KIF3B: variants seen among roughly 807,000 people sequenced by gnomAD.
The protein encoded by KIF3B is kinesin family member 3B.
Under a neutral mutation model 74.3 loss-of-function variants are expected in KIF3B, and 38 were observed. That is an observed-to-expected ratio of 0.51 (90% CI 0.39 to 0.67). The LOEUF (loss-of-function observed/expected upper bound fraction) is 0.67, where lower values mean the gene tolerates loss of function less well. Ranked by LOEUF, KIF3B falls within the 30% of genes least tolerant of loss-of-function variation. The pLI, the probability that KIF3B is intolerant of heterozygous loss-of-function variation, is 0.00. For synonymous variants in KIF3B, 326 were observed against 342.5 expected, an observed-to-expected ratio of 0.95 and a Z score of 0.53; for missense variants, 649 against 932.0, an observed-to-expected ratio of 0.70 and a Z score of 3.95.
Position 32,309,745 on chromosome 20 carries a change from A to ACTTCTC in KIF3B, c.-32_-27dup. The ACTTCTC allele has an allele frequency of 6.3e-7, 1 of 1,584,208 alleles. No homozygotes were observed. The highest frequency in any genetic ancestry group is 8.6e-7 in the Non-Finnish European group (1 of 1,164,722). ...GCATCCTGAGACATTTTGAATTGAC[A>ACTTCTC]CTTCTCAAGATTTGACTGGATCAGA... On this transcript the variant is annotated 5_prime_UTR_variant, in exon 2 of 9. Transcript: ENST00000375712.
At position 32,310,192 on chromosome 20, in the gene KIF3B, C is replaced by T. The variant is rs908034140; in HGVS notation, c.415C>T (p.Leu139=). 1 of 1,613,062 alleles carries T rather than the reference C, an allele frequency of 6.2e-7. No homozygotes were observed. Among genetic ancestry groups the T allele is most frequent in the Middle Eastern group, 1.6e-4 (1 of 6,062 alleles). The change falls in exon 2 of 9, where the codon CTG becomes TTG. Residue 139 remains leucine, a synonymous_variant. Transcript: ENST00000375712. The surrounding 1 kb of genome is among the most constrained non-coding windows in gnomAD (Gnocchi z 6.5). ...CTCTCGATCCCAGAATCAACAATAC[C>T]TGGTCAGGGCTTCTTACTTAGAGAT... ...HISRSQNQQY[L]VRASYLEIYQ... is the part of the protein sequence containing the mutation.
chr20:32,326,968 G>C (rs931848926), intron 6 of KIF3B, 84 bp downstream of exon 6: 2 of 723,400 alleles, frequency 2.8e-6, no homozygotes, highest in Non-Finnish European at 4.7e-6. Context: ...GGTCAACAAA[G>C]GGGTTTGATA....
In KIF3B at chr20:32,330,098, C is replaced by T. The variant is rs377625595; in HGVS notation, c.1969-43C>T. On this transcript the variant is annotated intron_variant, in intron 7 of 8. Transcript: ENST00000375712. ...CTCGATTGCTTGTACTGCCTGTGTC[C>T]AGTTGGAGGCTAACCTAGCTGGTGA... 1,326 of 1,574,168 alleles carry T rather than the reference C, an allele frequency of 8.4e-4. 3 individuals carry two copies. Among genetic ancestry groups the T allele is most frequent in the Non-Finnish European group, 6.8e-4 (785 of 1,156,980 alleles).
intron 1 of KIF3B, among the ~76,000 whole-genome samples, chr20:32,286,128 G>A (rs142669598): frequency 6.6e-6 from 1 of 152,272 alleles, no homozygotes; most frequent in African/African-American, 2.4e-5. Flanking sequence ...CTTGAATATA[G>A]TCTATAAATG....
intron 1 of KIF3B, 80 bp from the exon 2 acceptor site, chr20:32,309,633 C>T (rs2047789568): frequency 1.2e-6 from 1 of 814,742 alleles, no homozygotes; most frequent in South Asian, 1.9e-5. Flanking sequence ...AAGATGAAGA[C>T]TATTTAGGTG....
At chr20:32,296,096 C>G (rs1043090981) in intron 1 of KIF3B, among the ~76,000 whole-genome samples, 4 of 150,732 alleles carry the variant, frequency 2.7e-5, no homozygotes, top group Admixed American at 1.3e-4. Flanking sequence ...ATCTCTTGAC[C>G]TTGTGATCCA....
chr20:32,321,298 G>A (rs987182025), intron 5 of KIF3B, among the ~76,000 whole-genome samples: 6 of 151,892 alleles, frequency 4.0e-5, no homozygotes, highest in Admixed American at 3.3e-4. Flanking sequence ...GTGTGGTGGT[G>A]CACACCTGTA....
intron 5 of KIF3B, among the ~76,000 whole-genome samples, chr20:32,322,767 TTTATATATATATTTATATATATTTA>T (rs1275172280): frequency 2.1e-4 from 13 of 63,202 alleles, no homozygotes; most frequent in African/African-American, 1.1e-3. Flanking sequence ...TTTATATATA[TTTATATATATATTTATATATATTTA>T]TATATATATT....
intron 1 of KIF3B, among the ~76,000 whole-genome samples, chr20:32,300,306 C>T (rs1352596996): frequency 6.6e-6 from 1 of 151,846 alleles, no homozygotes; most frequent in Non-Finnish European, 1.5e-5. Context: ...GAGACAGAGT[C>T]TCTCTCTGTC....
intron 1 of KIF3B, among the ~76,000 whole-genome samples, chr20:32,287,296 GT>G (rs2122656893): frequency 6.6e-6 from 1 of 151,822 alleles, no homozygotes; most frequent in African/African-American, 2.4e-5. Context: ...GATTACAAGT[GT>G]GAGCCACCAG....
At chr20:32,317,207 A>T (rs1488757259) in intron 5 of KIF3B, among the ~76,000 whole-genome samples, 2 of 152,196 alleles carry the variant, frequency 1.3e-5, no homozygotes, top group Non-Finnish European at 2.9e-5. Flanking sequence ...ACTGCACTCC[A>T]GCCTGGGCGA....
Position 32,310,884 on chromosome 20 carries a change from G to A in KIF3B, c.1107G>A (p.Leu369=). ...AGATTGCTCGGCTCAAGGCCCAGCTGGAAAAACGGTCCATTGGTAGGAGGA... is the reference window on the plus strand; with the variant it reads ...AGATTGCTCGGCTCAAGGCCCAGCTAGAAAAACGGTCCATTGGTAGGAGGA... ...QEEIARLKAQ[L]EKRSIGRRKR... is the part of the protein sequence containing the mutation. The change falls in exon 2 of 9, where the codon CTG becomes CTA. Residue 369 remains leucine, a synonymous_variant. Coordinates refer to ENST00000375712, the MANE Select transcript of KIF3B (RefSeq NM_004798.4). This position sits in a 1 kb window ranked among gnomAD's most constrained non-coding sequence, Gnocchi z 6.5. 1 of 1,613,948 alleles carries A rather than the reference G, an allele frequency of 6.2e-7. No homozygotes were observed. Among genetic ancestry groups the A allele is most frequent in the Middle Eastern group, 1.6e-4 (1 of 6,062 alleles).
chr20:32,309,993 G>T lies in KIF3B; in HGVS notation c.216G>T (p.Leu72=), dbSNP rs1442044177. 6.2e-7 allele frequency: 1 copy of T among 1,614,040 alleles called. No individual in the cohort carries two copies. Among genetic ancestry groups the T allele is most frequent in the Non-Finnish European group, 8.5e-7 (1 of 1,180,032 alleles). The change falls in exon 2 of 9, where the codon CTG becomes CTT. Residue 72 remains leucine, a synonymous_variant. Coordinates refer to ENST00000375712, the MANE Select transcript of KIF3B (RefSeq NM_004798.4). ...VYDWNAKQFE[L]YDETFRPLVD... is the part of the protein sequence containing the mutation. ...ACTGGAATGCCAAGCAGTTTGAACT[G>T]TACGATGAGACGTTCCGACCACTTG...
At chr20:32,328,613 A>C (rs998581050) in intron 7 of KIF3B, among the ~76,000 whole-genome samples, 1 of 70,760 alleles carries the variant, frequency 1.4e-5, no homozygotes, top group Admixed American at 1.5e-4. Flanking sequence ...ACTCTGTCTC[A>C]AAAAAAAAAA....
At chr20:32,288,912 A>G (rs894212563) in intron 1 of KIF3B, among the ~76,000 whole-genome samples, 3 of 152,200 alleles carry the variant, frequency 2.0e-5, no homozygotes, top group African/African-American at 4.8e-5. Flanking sequence ...AATAAATCCT[A>G]TGATTTATGG....
At chr20:32,306,215 A>G (rs2047770322) in intron 1 of KIF3B, among the ~76,000 whole-genome samples, 1 of 151,566 alleles carries the variant, frequency 6.6e-6, no homozygotes, top group Admixed American at 6.6e-5. Context: ...CAACATGGTG[A>G]AACCCCATCT....
intron 1 of KIF3B, among the ~76,000 whole-genome samples, chr20:32,296,085 G>A (rs915647730): frequency 3.3e-5 from 5 of 151,432 alleles, no homozygotes; most frequent in Middle Eastern, 3.5e-3. Flanking sequence ...GGATGGTCTC[G>A]ATCTCTTGAC....
At chr20:32,287,090 G>T (rs1322432720) in intron 1 of KIF3B, among the ~76,000 whole-genome samples, 1 of 152,132 alleles carries the variant, frequency 6.6e-6, no homozygotes, top group Non-Finnish European at 1.5e-5. Flanking sequence ...TGTATTCAAA[G>T]CATATTTCCC....
intron 5 of KIF3B, among the ~76,000 whole-genome samples, chr20:32,321,776 G>A (rs2047860977): frequency 6.6e-6 from 1 of 152,096 alleles, no homozygotes; most frequent in Admixed American, 6.6e-5. Flanking sequence ...TTTTTCAACA[G>A]CATATGCTCT....
Sources: gnomAD v4.1 joint callset for allele counts (sites outside exome capture counted in the v4.1 genomes callset) on GRCh38, gnomAD v4.1.1 for gene constraint, Gnocchi (gnomAD v3.1) non-coding constraint, MANE v1.5 for transcripts, NCBI Gene and HGNC (gene_info 2026-07-23, HGNC 2026-07-21) for gene names.